The following MANBA variants were observed in gnomAD, a reference collection of about 807,000 sequenced individuals.
MANBA encodes the protein beta-mannosidase.
A neutral mutation model predicts 111.1 loss-of-function variants in MANBA; 83 were observed. The ratio of observed to expected loss-of-function variants is 0.75; its 90% CI spans 0.63 to 0.90. The LOEUF is 0.90. Ranked by LOEUF, MANBA falls within the 40% of genes least tolerant of loss-of-function variation. The pLI, the probability that MANBA is intolerant of heterozygous loss-of-function variation, is 0.00. For synonymous variants in MANBA, 370 were observed against 378.7 expected (o/e 0.98, Z 0.27); for missense variants, 1,036 against 1,069.0 (o/e 0.97, Z 0.43).
At chr4:102,745,739 A>G (rs1206840960) in intron 1 of MANBA, among the ~76,000 whole-genome samples, 1 of 152,208 alleles carries the variant, frequency 6.6e-6, no homozygotes, top group East Asian at 1.9e-4. Flanking sequence ...GTGGGTTCAA[A>G]TCAATAAGTC....
chr4:102,722,717 T>G, intron 4 of MANBA, 154 bp downstream of exon 4: 2 of 738,534 alleles, frequency 2.7e-6, no homozygotes, highest in South Asian at 3.1e-5. Context: ...CAAATAATCT[T>G]TTGGTTCTTA....
At chr4:102,758,799 T>C (rs529562256) in intron 1 of MANBA, among the ~76,000 whole-genome samples, 1 of 152,188 alleles carries the variant, frequency 6.6e-6, no homozygotes, top group South Asian at 2.1e-4. Context: ...GCTGGGATTA[T>C]AGGCATGAGC....
chr4:102,693,619 T>C (rs1203094689), intron 5 of MANBA, among the ~76,000 whole-genome samples: 1 of 152,182 alleles, frequency 6.6e-6, no homozygotes, highest in African/African-American at 2.4e-5. Flanking sequence ...CTGCCTATGG[T>C]ATTTTCTTAG....
intron 12 of MANBA, among the ~76,000 whole-genome samples, chr4:102,651,609 A>T (rs1481983007): frequency 6.6e-6 from 1 of 152,268 alleles, no homozygotes; most frequent in Admixed American, 6.5e-5. Flanking sequence ...TCCACCCAAA[A>T]ACCTGAAAAT....
intron 9 of MANBA, among the ~76,000 whole-genome samples, 191 bp from the exon 10 acceptor site, chr4:102,669,240 C>G (rs577646453): frequency 6.6e-6 from 1 of 152,106 alleles, no homozygotes; most frequent in African/African-American, 2.4e-5. Flanking sequence ...TTAGGACTTC[C>G]CAGAACTGCA....
chr4:102,708,039 T>C (rs576536795), intron 5 of MANBA, among the ~76,000 whole-genome samples: 2 of 152,106 alleles, frequency 1.3e-5, no homozygotes, highest in Non-Finnish European at 1.5e-5. Flanking sequence ...TAAAGACAGA[T>C]AGATTCCAAT....
intron 2 of MANBA, among the ~76,000 whole-genome samples, chr4:102,724,288 T>C (rs549821192): frequency 6.6e-6 from 1 of 152,318 alleles, no homozygotes; most frequent in Non-Finnish European, 1.5e-5. Flanking sequence ...CCAGGAGCAG[T>C]GGCTCACGCC....
chr4:102,632,091 GA>G lies in MANBA; in HGVS notation c.2605del (p.Ser869LeufsTer4). The part of the protein sequence containing the change: ...EPTSKNELEQ[S>X]FHVTSLTDIY ...ATCTGTTAAGGAGGTCACATGAAAA[GA>G]TTGCTCCAACTCATTCTTGCTGGTG... On this transcript the variant is annotated frameshift_variant, in exon 17 of 17. Coordinates refer to ENST00000647097, the MANE Select transcript of MANBA (RefSeq NM_005908.4). LOFTEE classifies it high-confidence loss of function. 6.2e-7 allele frequency: 1 copy of G among 1,610,584 alleles called. No individual in the cohort carries two copies. Among genetic ancestry groups the G allele is most frequent in the Admixed American group, 1.7e-5 (1 of 60,022 alleles).
At position 102,721,199 on chromosome 4, in the gene MANBA, G is replaced by A. The variant is rs6842746; in HGVS notation, c.549+1672C>T. On this transcript the variant is annotated intron_variant, in intron 4 of 16. Transcript: ENST00000647097. ...ATTAGCCAAGTGTGGCAGTGCATGCGTGGAATCCCAGCTACTCAGGGGGCT... is the reference window on the plus strand; with the variant it reads ...ATTAGCCAAGTGTGGCAGTGCATGCATGGAATCCCAGCTACTCAGGGGGCT... 3.3e-3 allele frequency among the ~76,000 whole-genome samples: 504 copies of A among 152,188 alleles called. 6 individuals carry two copies. Among genetic ancestry groups the A allele is most frequent in the African/African-American group, 0.012 (480 of 41,526 alleles).
chr4:102,707,478 G>A (rs1220847208), intron 5 of MANBA, among the ~76,000 whole-genome samples: 1 of 151,912 alleles, frequency 6.6e-6, no homozygotes, highest in Non-Finnish European at 1.5e-5. Flanking sequence ...CCATCATGAA[G>A]ATACATAAAA....
At chr4:102,734,252 T>C (rs1578949013) in intron 1 of MANBA, 1 of 1,139,006 alleles carries the variant, frequency 8.8e-7, no homozygotes, top group East Asian at 2.6e-5. Context: ...AATTTTGCTG[T>C]AAACCTACAA....
chr4:102,748,966 G>A (rs764514620), intron 1 of MANBA, among the ~76,000 whole-genome samples: 58 of 151,876 alleles, frequency 3.8e-4, no homozygotes, highest in Middle Eastern at 3.4e-3. Context: ...GTTTCTAAAT[G>A]TCATTAAGAT....
intron 1 of MANBA, chr4:102,728,242 C>T (rs1369545666): frequency 1.9e-6 from 1 of 536,938 alleles, no homozygotes. Flanking sequence ...TGGCAGCATT[C>T]TCCACAAATG....
intron 9 of MANBA, among the ~76,000 whole-genome samples, chr4:102,670,477 C>T (rs952985832): frequency 1.3e-5 from 2 of 152,032 alleles, no homozygotes; most frequent in African/African-American, 4.8e-5. Flanking sequence ...TTTAGAACAA[C>T]AATAATAGAA....
At chr4:102,660,086 T>C (rs1730861449) in intron 11 of MANBA, among the ~76,000 whole-genome samples, 2 of 152,204 alleles carry the variant, frequency 1.3e-5, no homozygotes, top group African/African-American at 4.8e-5. Context: ...CATTTCCACC[T>C]GTGTTGTCTT....
At position 102,712,942 on chromosome 4, in the gene MANBA, G is replaced by A. The variant is rs1177934405; in HGVS notation, c.673+1496C>T. 4.6e-5 allele frequency among the ~76,000 whole-genome samples: 7 copies of A among 152,152 alleles called. 1 individual carries two copies. The highest frequency in any genetic ancestry group is 4.6e-4 in the Admixed American group (7 of 15,262). ...TTGATTTTAGTAGCGAAAATCTTTA[G>A]TTGGATTACACCTCAGAAGAATAGT... is the stretch of plus-strand genomic sequence containing the variant. On this transcript the variant is annotated intron_variant, in intron 5 of 16. Transcript: ENST00000647097.
At chr4:102,699,511 T>C (rs1337026191) in intron 5 of MANBA, among the ~76,000 whole-genome samples, 3 of 150,486 alleles carry the variant, frequency 2.0e-5, no homozygotes, top group African/African-American at 7.3e-5. Context: ...AGATAGCTCT[T>C]ATTATTTTGA....
intron 1 of MANBA, among the ~76,000 whole-genome samples, chr4:102,746,978 A>G (rs1723610319): frequency 6.6e-6 from 1 of 151,732 alleles, no homozygotes; most frequent in African/African-American, 2.4e-5. Context: ...TCTCAAAAAA[A>G]AAAAAAAAAG....
intron 1 of MANBA, among the ~76,000 whole-genome samples, chr4:102,737,031 C>A (rs1157714729): frequency 1.3e-5 from 2 of 152,064 alleles, no homozygotes; most frequent in African/African-American, 4.8e-5. Flanking sequence ...TATAATAGTA[C>A]CGAGAAAAGA....
Sources: allele counts gnomAD v4.1 joint callset (sites outside exome capture counted in the v4.1 genomes callset), GRCh38; gene constraint gnomAD v4.1.1; transcripts MANE v1.5; gene names NCBI Gene and HGNC (gene_info 2026-07-23, HGNC 2026-07-21).